The following NEDD9 variants were observed in gnomAD, a reference collection of about 807,000 sequenced individuals.
NEDD9 encodes the protein enhancer of filamentation 1.
In NEDD9, 26 loss-of-function variants were observed where a neutral mutation model predicts 76.6. That is an observed-to-expected ratio of 0.34 (90% confidence interval 0.25 to 0.47). The LOEUF (loss-of-function observed/expected upper bound fraction) is 0.47, where lower values mean the gene tolerates loss of function less well. NEDD9 is among the 20% of genes least tolerant of loss of function. The pLI is 1.00. For missense variants in NEDD9, 937 were observed against 1,058.5 expected, an observed-to-expected ratio of 0.89 and a Z score of 1.59; for synonymous variants, 392 against 414.2, an observed-to-expected ratio of 0.95 and a Z score of 0.65.
chr6:11,351,599 CT>C (rs888230741), intron 1 of NEDD9, among the ~76,000 whole-genome samples: 12 of 152,260 alleles, frequency 7.9e-5, no homozygotes, highest in African/African-American at 2.6e-4. Context: ...AAGGAACATC[CT>C]TTTTCTGAAG....
intron 2 of NEDD9, among the ~76,000 whole-genome samples, chr6:11,206,203 GAGA>G (rs1332218448): frequency 6.6e-6 from 1 of 152,110 alleles, no homozygotes; most frequent in African/African-American, 2.4e-5. Flanking sequence ...CAGATCACCT[GAGA>G]TCAGGAGTTT....
At chr6:11,330,884 A>G (rs1383672943) in intron 2 of NEDD9, among the ~76,000 whole-genome samples, 1 of 152,206 alleles carries the variant, frequency 6.6e-6, no homozygotes, top group African/African-American at 2.4e-5. Context: ...TTGTTAACCT[A>G]GCACTGCTTT....
At chr6:11,220,035 T>A (rs994722695) in intron 1 of NEDD9, among the ~76,000 whole-genome samples, 1 of 152,210 alleles carries the variant, frequency 6.6e-6, no homozygotes, top group Non-Finnish European at 1.5e-5. Flanking sequence ...TGATATAATA[T>A]AAGATATGCT....
chr6:11,210,850 T>C (rs62395298), intron 2 of NEDD9, among the ~76,000 whole-genome samples: 34,932 of 151,094 alleles, frequency 0.23, 5,003 homozygotes, highest in South Asian at 0.44. Flanking sequence ...CACACTCCCA[T>C]GGATGTGAAC....
rs149543741 is a variant in NEDD9 at position 11,222,293 on chromosome 6, T to C, written c.13-8566A>G. Among the ~76,000 whole-genome samples the C allele has an allele frequency of 9.0e-3, 1,368 of 152,330 alleles. 32 individuals carry two copies. The highest frequency in any genetic ancestry group is 0.031 in the African/African-American group (1,304 of 41,572). ...GGATGCAACCCTCCCTGGAACTCTTTTAGATGTCACTTGACCTGGATTTGG... is the reference window on the plus strand; with the variant it reads ...GGATGCAACCCTCCCTGGAACTCTTCTAGATGTCACTTGACCTGGATTTGG... On this transcript the variant is annotated intron_variant, in intron 1 of 6. Coordinates refer to ENST00000379446, the MANE Select transcript of NEDD9 (RefSeq NM_006403.4).
chr6:11,360,749 T>G (rs958614763), intron 1 of NEDD9, among the ~76,000 whole-genome samples: 2 of 152,188 alleles, frequency 1.3e-5, no homozygotes, highest in Non-Finnish European at 2.9e-5. Context: ...TAAACCTCTT[T>G]TCTTTATAAA....
chr6:11,222,702 A>G (rs1200561617), intron 1 of NEDD9, among the ~76,000 whole-genome samples: 1 of 152,156 alleles, frequency 6.6e-6, no homozygotes, highest in Non-Finnish European at 1.5e-5. Flanking sequence ...TGCCTTAGAG[A>G]TGGTTTGATG....
In NEDD9 at chr6:11,197,707, A is replaced by G. The variant is rs925021437; in HGVS notation, c.460-4015T>C. Among the ~76,000 whole-genome samples the G allele has an allele frequency of 3.9e-5, 6 of 152,214 alleles. No individual in the cohort carries two copies. The East Asian group carries it at 1.2e-3, about 29-fold the overall frequency. On this transcript the variant is annotated intron_variant, in intron 2 of 6. Coordinates refer to ENST00000379446, the MANE Select transcript of NEDD9 (RefSeq NM_006403.4). ...TAATTAATCTGCTTACATAAAAACA[A>G]GGAAACAAACTCGAATTGCCCCACC... is the stretch of plus-strand genomic sequence containing the variant.
chr6:11,226,129 G>A (rs915438763), intron 1 of NEDD9, among the ~76,000 whole-genome samples: 22 of 152,182 alleles, frequency 1.4e-4, no homozygotes, highest in African/African-American at 5.3e-4. Flanking sequence ...ATAATCCTTT[G>A]CAGGCTGTCA....
At chr6:11,303,389 A>T (rs1330354151) in intron 3 of NEDD9, among the ~76,000 whole-genome samples, 2 of 152,240 alleles carry the variant, frequency 1.3e-5, no homozygotes, top group Non-Finnish European at 2.9e-5. Context: ...ATGGAAGAAC[A>T]TTCCATGTTC....
chr6:11,219,279 A>G (rs184838517), intron 1 of NEDD9, among the ~76,000 whole-genome samples: 58 of 152,312 alleles, frequency 3.8e-4, no homozygotes, highest in South Asian at 1.7e-3. Context: ...TGCTTTTCCA[A>G]ATACGGAGAG....
At chr6:11,364,921 C>T (rs749413001) in intron 1 of NEDD9, among the ~76,000 whole-genome samples, 4 of 152,062 alleles carry the variant, frequency 2.6e-5, no homozygotes, top group Non-Finnish European at 5.9e-5. Flanking sequence ...CTCTGCATTT[C>T]CTCTCCTCTT....
At chr6:11,275,117 C>T (rs1267585329) in intron 3 of NEDD9, among the ~76,000 whole-genome samples, 1 of 152,190 alleles carries the variant, frequency 6.6e-6, no homozygotes, top group Non-Finnish European at 1.5e-5. Context: ...ACCTGGAGGA[C>T]ATTTTGCTCA....
chr6:11,345,069 G>A (rs1762340288), intron 1 of NEDD9, among the ~76,000 whole-genome samples: 1 of 152,176 alleles, frequency 6.6e-6, no homozygotes, highest in South Asian at 2.1e-4. Flanking sequence ...ATCTTGTCTA[G>A]AATAGGGCGG....
At position 11,232,276 on chromosome 6, in the gene NEDD9, A is replaced by G. The variant is rs115542124; in HGVS notation, c.12+228T>C. The stretch of plus-strand genomic sequence containing the variant: ...TTCTCACCGAGGTATTTCCCCGGCA[A>G]CTTTCAGAGCAGATGGACTCGGGTG... On this transcript the variant is annotated intron_variant, in intron 1 of 6. Coordinates refer to ENST00000379446, the MANE Select transcript of NEDD9 (RefSeq NM_006403.4). Among the ~76,000 whole-genome samples, 1,368 of 152,296 alleles carry G rather than the reference A, an allele frequency of 9.0e-3. 25 individuals are homozygous for G. Among genetic ancestry groups the G allele is most frequent in the African/African-American group, 0.032 (1,311 of 41,566 alleles).
At chr6:11,264,087 C>T (rs909357226) in intron 3 of NEDD9, among the ~76,000 whole-genome samples, 10 of 152,190 alleles carry the variant, frequency 6.6e-5, no homozygotes, top group African/African-American at 1.2e-4. Flanking sequence ...CAGAGTTCCC[C>T]GGATGTGGAA....
At chr6:11,215,050 G>A (rs116395682) in intron 1 of NEDD9, among the ~76,000 whole-genome samples, 12 of 152,190 alleles carry the variant, frequency 7.9e-5, no homozygotes, top group African/African-American at 2.2e-4. Flanking sequence ...CACTACTCGC[G>A]TCCCCTTGTG....
intron 2 of NEDD9, among the ~76,000 whole-genome samples, chr6:11,311,366 T>C (rs1761360991): frequency 6.6e-6 from 1 of 152,156 alleles, no homozygotes; most frequent in African/African-American, 2.4e-5. Flanking sequence ...TGAAGAAACA[T>C]GGGCAGATTC....
At position 11,232,419 on chromosome 6, in the gene NEDD9, A is replaced by ACAGTAAGGAACACGGT. The variant is rs1188735476; in HGVS notation, c.12+84_12+85insACCGTGTTCCTTACTG. The ACAGTAAGGAACACGGT allele has an allele frequency of 3.9e-6, 6 of 1,525,130 alleles. No homozygotes were observed. The Admixed American group carries it at 1.0e-4, about 26-fold the overall frequency. 94.5% of individuals were successfully genotyped at this position (1,525,130 alleles called of 1,614,324 possible). A position where few individuals can be genotyped will look rare whatever the true frequency, so the allele number is the denominator to read the frequency against. The stretch of plus-strand genomic sequence containing the variant: ...ACTCTCCGGGACACACAAGGGACTG[A>ACAGTAAGGAACACGGT]CAGTAAGGAACACGCATACACAAGC... On this transcript the variant is annotated intron_variant, in intron 1 of 6. Coordinates refer to ENST00000379446, the MANE Select transcript of NEDD9 (RefSeq NM_006403.4).
Sources: allele counts gnomAD v4.1 joint callset (sites outside exome capture counted in the v4.1 genomes callset), GRCh38; gene constraint gnomAD v4.1.1; transcripts MANE v1.5; gene names NCBI Gene and HGNC (gene_info 2026-07-23, HGNC 2026-07-21).